Variants in PDE5A observed in about 807,000 individuals in gnomAD.
PDE5A encodes the protein cGMP-specific 3',5'-cyclic phosphodiesterase.
PDE5A carries 67 observed loss-of-function variants against 110.2 expected under a neutral mutation model. The observed-to-expected ratio is 0.61, with a 90% CI of 0.50 to 0.75. PDE5A has a LOEUF of 0.75. PDE5A is among the 30% of genes least tolerant of loss of function. The pLI, the probability that PDE5A is intolerant of heterozygous loss-of-function variation, is 0.00. For synonymous variants in PDE5A, 328 were observed against 351.2 expected, an observed-to-expected ratio of 0.93 and a Z score of 0.74; for missense variants, 862 against 1,045.1, an observed-to-expected ratio of 0.82 and a Z score of 2.42.
intron 18 of PDE5A, among the ~76,000 whole-genome samples, chr4:119,503,952 T>G (rs532231471): frequency 5.3e-5 from 8 of 151,902 alleles, no homozygotes; most frequent in African/African-American, 1.7e-4. Flanking sequence ...CTTAAAAAAA[T>G]TTTTTTTATT....
At chr4:119,590,994 T>A (rs1159337908) in intron 3 of PDE5A, among the ~76,000 whole-genome samples, 1 of 152,234 alleles carries the variant, frequency 6.6e-6, no homozygotes, top group Non-Finnish European at 1.5e-5. Flanking sequence ...GCTTACTCGA[T>A]AAGGGTGGAC....
chr4:119,597,823 C>T (rs1368939687), intron 2 of PDE5A, among the ~76,000 whole-genome samples: 1 of 151,990 alleles, frequency 6.6e-6, no homozygotes, highest in African/African-American at 2.4e-5. Flanking sequence ...CAATTTTCAA[C>T]TGAGAGGGCC....
Position 119,525,505 on chromosome 4 carries a change from C to G in PDE5A, c.1779+44G>C, listed in dbSNP as rs1460021029. 5 of 1,585,064 alleles carry G rather than the reference C, an allele frequency of 3.2e-6. No individual in the cohort carries two copies. The African/African-American group carries it at 6.7e-5, about 21-fold the overall frequency. On this transcript the variant is annotated intron_variant, in intron 12 of 20. Coordinates refer to ENST00000354960, the MANE Select transcript of PDE5A (RefSeq NM_001083.4). The surrounding 1 kb of genome is among the most constrained non-coding windows in gnomAD (Gnocchi z 4.3). The stretch of plus-strand genomic sequence containing the variant: ...CAATTCTCTCTCTTACATACACACA[C>G]ACATACACATAGACTTTTCCAAAGG...
At chr4:119,554,228 C>G (rs1203678234) in intron 7 of PDE5A, among the ~76,000 whole-genome samples, 1 of 152,088 alleles carries the variant, frequency 6.6e-6, no homozygotes, top group African/African-American at 2.4e-5. Flanking sequence ...CTAGTTAAGT[C>G]TATTTTCTTT....
In PDE5A at chr4:119,628,755, G is replaced by A. The variant is rs770436893; in HGVS notation, c.-84C>T. The A allele has an allele frequency of 3.9e-6, 6 of 1,549,842 alleles. No homozygotes were observed. The South Asian group carries it at 5.7e-5, about 15-fold the overall frequency. ...CCGTCCCTCAGAAGAACAGGACTCGGCCTCGAGACCCTCCCCCTTCGTCCT... is the reference window on the plus strand; with the variant it reads ...CCGTCCCTCAGAAGAACAGGACTCGACCTCGAGACCCTCCCCCTTCGTCCT... On this transcript the variant is annotated 5_prime_UTR_variant, in exon 1 of 21. Transcript: ENST00000354960.
At chr4:119,624,359 C>T (rs1047538300) in intron 1 of PDE5A, among the ~76,000 whole-genome samples, 1 of 151,660 alleles carries the variant, frequency 6.6e-6, no homozygotes, top group African/African-American at 2.4e-5. Context: ...ATTGTAAATA[C>T]CGTGCAATAA....
intron 1 of PDE5A, among the ~76,000 whole-genome samples, chr4:119,616,598 A>G (rs1729951729): frequency 6.6e-6 from 1 of 152,118 alleles, no homozygotes. Context: ...GGATGATGTT[A>G]TTGTGTGAGT....
intron 9 of PDE5A, among the ~76,000 whole-genome samples, chr4:119,544,725 G>T (rs573616582): frequency 6.6e-6 from 1 of 152,276 alleles, no homozygotes; most frequent in Non-Finnish European, 1.5e-5. Flanking sequence ...ACACAGAGGG[G>T]TTGAGATGTG....
Position 119,562,966 on chromosome 4 carries a change from A to T in PDE5A, c.998T>A (p.Leu333Gln). Residue 333 changes from leucine (L) to glutamine (Q), a missense_variant, in exon 6 of 21, where the codon CTG becomes CAG. Leu to Gln is a moderately radical substitution (Grantham distance 113, BLOSUM62 -2). Coordinates refer to ENST00000354960, the MANE Select transcript of PDE5A (RefSeq NM_001083.4). Reference protein sequence around the residue: ...SLLENKRNQVLLDLASLIFEE... With the variant: ...SLLENKRNQVQLDLASLIFEE... ...AAAAATTAAACTAGCAAGGTCAAGC[A>T]GCACCTAGACAAAAAAATTAGGAGC... is the stretch of plus-strand genomic sequence containing the variant. 1 of 1,575,444 alleles carries T rather than the reference A, an allele frequency of 6.3e-7. No homozygotes were observed. Among genetic ancestry groups the T allele is most frequent in the Non-Finnish European group, 8.6e-7 (1 of 1,167,314 alleles).
chr4:119,627,004 TAAC>T lies in PDE5A; in HGVS notation c.152+1513_152+1515del, dbSNP rs531152368. 4.1e-5 allele frequency: 34 copies of T among 825,366 alleles called. No individual in the cohort carries two copies. The highest frequency in any genetic ancestry group is 2.0e-4 in the East Asian group (7 of 35,744). The allele number at this position is 825,366 out of a possible 1,614,324, so 51.1% of individuals were successfully genotyped here. On this transcript the variant is annotated intron_variant, in intron 1 of 20. Coordinates refer to ENST00000354960, the MANE Select transcript of PDE5A (RefSeq NM_001083.4). This position sits in a 1 kb window ranked among gnomAD's most constrained non-coding sequence, Gnocchi z 4.6. The stretch of plus-strand genomic sequence containing the variant: ...AATACATCTGCAAGAGAGCAAAGAA[TAAC>T]AACAACAACAAAAGTTATACAGTCA...
intron 11 of PDE5A, among the ~76,000 whole-genome samples, chr4:119,536,466 A>C (rs188755176): frequency 6.6e-6 from 1 of 152,324 alleles, no homozygotes; most frequent in East Asian, 1.9e-4. Flanking sequence ...AAATGGGCCA[A>C]TTAAGCCTGA....
chr4:119,544,249 T>C (rs774126405), intron 9 of PDE5A, among the ~76,000 whole-genome samples: 67 of 152,216 alleles, frequency 4.4e-4, no homozygotes, highest in Non-Finnish European at 8.5e-4. Context: ...TGTTTGTTTA[T>C]CTACTTTAAA....
At position 119,552,559 on chromosome 4, in the gene PDE5A, T is replaced by C; in HGVS notation, c.1387A>G (p.Lys463Glu). 6.9e-7 allele frequency: 1 copy of C among 1,455,092 alleles called. No homozygotes were observed. The allele number at this position is 1,455,092 out of a possible 1,614,324, so 90.1% of individuals were successfully genotyped here. ...CTPIKNGKKNKVIGVCQLVNK... is the reference protein window; with the variant it reads ...CTPIKNGKKNEVIGVCQLVNK... The stretch of plus-strand genomic sequence containing the variant: ...AAAGGAAAGGTTTTACCTATAACTT[T>C]ATTCTTCTTTCCATTTTTTATAGGT... The change falls in exon 9 of 21, where the codon AAA becomes GAA. Residue 463 changes from lysine to glutamate, a missense_variant. Transcript: ENST00000354960.
At chr4:119,535,397 G>T (rs1726695333) in intron 11 of PDE5A, among the ~76,000 whole-genome samples, 1 of 152,120 alleles carries the variant, frequency 6.6e-6, no homozygotes, top group South Asian at 2.1e-4. Flanking sequence ...TTCCAAGAAG[G>T]TTTGCATCTT....
intron 1 of PDE5A, 98 bp from the exon 2 acceptor site, chr4:119,607,395 A>G (rs1729579888): frequency 1.4e-6 from 1 of 706,144 alleles, no homozygotes; most frequent in Non-Finnish European, 2.3e-6. Flanking sequence ...CTGATGAGAT[A>G]ATAATTTGAT....
At chr4:119,502,383 C>T in intron 19 of PDE5A, 198 bp downstream of exon 19, 2 of 435,792 alleles carry the variant, frequency 4.6e-6, no homozygotes, top group East Asian at 3.7e-5. Context: ...ATGATGAACC[C>T]AAGAGTCTTT....
chr4:119,510,938 A>T, intron 15 of PDE5A, 109 bp downstream of exon 15: 1 of 729,948 alleles, frequency 1.4e-6, no homozygotes, highest in Non-Finnish European at 2.3e-6. Context: ...AAAAGGAATA[A>T]AGTATGTGCA....
At chr4:119,582,368 T>G (rs1728617319) in intron 3 of PDE5A, among the ~76,000 whole-genome samples, 1 of 152,232 alleles carries the variant, frequency 6.6e-6, no homozygotes, top group South Asian at 2.1e-4. Context: ...ATCTTCTGGC[T>G]ATATTTCTAA....
intron 9 of PDE5A, among the ~76,000 whole-genome samples, chr4:119,547,108 T>TG (rs1269685030): frequency 1.3e-5 from 1 of 78,802 alleles, no homozygotes; most frequent in African/African-American, 4.3e-5. Context: ...GGGCAATAGT[T>TG]TTTTTTTTTT....
Sources: gnomAD v4.1 joint callset for allele counts (sites outside exome capture counted in the v4.1 genomes callset) on GRCh38, gnomAD v4.1.1 for gene constraint, Gnocchi (gnomAD v3.1) non-coding constraint, MANE v1.5 for transcripts, NCBI Gene and HGNC (gene_info 2026-07-23, HGNC 2026-07-21) for gene names.